PLEKHA8: variants seen among roughly 807,000 people sequenced by gnomAD.
PLEKHA8 encodes pleckstrin homology domain-containing family A member 8.
PLEKHA8 carries 36 observed loss-of-function variants against 68.2 expected under a neutral mutation model. The observed-to-expected ratio is 0.53, with a 90% CI of 0.40 to 0.70. The LOEUF (loss-of-function observed/expected upper bound fraction) is 0.70, where lower values mean the gene tolerates loss of function less well. Ranked by LOEUF, PLEKHA8 falls within the 30% of genes least tolerant of loss-of-function variation. The pLI is 0.00. For missense variants in PLEKHA8, 505 were observed against 615.4 expected, an observed-to-expected ratio of 0.82 and a Z score of 1.90; for synonymous variants, 211 against 216.1, an observed-to-expected ratio of 0.98 and a Z score of 0.20.
rs563831882 is a variant in PLEKHA8 at position 30,115,996 on chromosome 7, A to G, written c.1363-13270A>G. On this transcript the variant is annotated intron_variant, in intron 13 of 13. Transcript: ENST00000396257. ...TGCATGCATGCATGTATGCATACGC[A>G]TACATACGCATACATACGCATACAT... 8.0e-4 allele frequency: 111 copies of G among 139,420 alleles called. 6 individuals carry two copies. The highest frequency in any genetic ancestry group is 2.6e-3 in the African/African-American group (96 of 36,848). The allele number at this position is 139,420 out of a possible 1,614,324, so 8.6% of individuals were successfully genotyped here.
At chr7:30,105,313 A>G (rs1047392160) in intron 13 of PLEKHA8, among the ~76,000 whole-genome samples, 1 of 57,062 alleles carries the variant, frequency 1.8e-5, no homozygotes, top group African/African-American at 5.2e-5. Context: ...TCTATAATTA[A>G]AAAAAAAAAA....
intron 13 of PLEKHA8, among the ~76,000 whole-genome samples, chr7:30,096,002 A>G (rs1459228782): frequency 1.3e-5 from 2 of 152,198 alleles, no homozygotes; most frequent in Non-Finnish European, 2.9e-5. Context: ...TGACTTGGCA[A>G]TGCGGGCTCT....
At chr7:30,125,504 C>G (rs1368790169) in intron 13 of PLEKHA8, among the ~76,000 whole-genome samples, 1 of 152,120 alleles carries the variant, frequency 6.6e-6, no homozygotes, top group Admixed American at 6.6e-5. Flanking sequence ...TTATTTTTAC[C>G]CTCAAGGAAA....
At chr7:30,115,561 GACATATGTAT>G (rs1378161067) in intron 13 of PLEKHA8, among the ~76,000 whole-genome samples, 6 of 50,300 alleles carry the variant, frequency 1.2e-4, no homozygotes, top group East Asian at 4.1e-3. Flanking sequence ...TATACATGTA[GACATATGTAT>G]ACATGCACGT....
chr7:30,125,904 C>T (rs1796764375), intron 13 of PLEKHA8, among the ~76,000 whole-genome samples: 1 of 152,030 alleles, frequency 6.6e-6, no homozygotes, highest in Non-Finnish European at 1.5e-5. Flanking sequence ...TTAGAGACAA[C>T]TTGCCTATTT....
chr7:30,028,936 T>C lies in PLEKHA8; in HGVS notation c.40+134T>C, dbSNP rs190469929. ...GAGGCCAGCGCGGAGCGGGAGTATT[T>C]CCCAAAGCAGTTCTCTCACGGGACC... On this transcript the variant is annotated intron_variant, in intron 1 of 13. Transcript: ENST00000449726. 896 of 1,036,900 alleles carry C rather than the reference T, an allele frequency of 8.6e-4. 6 individuals carry two copies. In the African/African-American group the frequency reaches 0.014, roughly 16 times the overall value. 64.2% of individuals were successfully genotyped at this position (1,036,900 alleles called of 1,614,324 possible).
chr7:30,082,692 A>C lies in PLEKHA8; in HGVS notation c.*3905A>C. 1 of 985,070 alleles carries C rather than the reference A, an allele frequency of 1.0e-6. No individual in the cohort carries two copies. Among genetic ancestry groups the C allele is most frequent in the Non-Finnish European group, 1.2e-6 (1 of 829,592 alleles). The allele number at this position is 985,070 out of a possible 1,614,324, so 61.0% of individuals were successfully genotyped here. ...ATATGTGATAGGGACCAAATAAGTA[A>C]AGTACATTTTTCTCCACTAAATTTG... On this transcript the variant is annotated 3_prime_UTR_variant, in exon 14 of 14. Coordinates refer to ENST00000449726, the MANE Select transcript of PLEKHA8 (RefSeq NM_001197026.2).
intron 13 of PLEKHA8, among the ~76,000 whole-genome samples, chr7:30,117,021 C>T (rs1443382690): frequency 2.0e-5 from 3 of 152,206 alleles, no homozygotes; most frequent in Non-Finnish European, 4.4e-5. Context: ...GTAGGTCTAA[C>T]TTTGTCACCG....
intron 13 of PLEKHA8, among the ~76,000 whole-genome samples, chr7:30,112,825 C>G (rs1796314891): frequency 6.6e-6 from 1 of 151,676 alleles, no homozygotes; most frequent in Admixed American, 6.6e-5. Flanking sequence ...CACTTGAGCC[C>G]AGGAGTTCAA....
At chr7:30,032,238 G>C (rs1790721953) in intron 1 of PLEKHA8, among the ~76,000 whole-genome samples, 4 of 152,312 alleles carry the variant, frequency 2.6e-5, no homozygotes, top group Admixed American at 2.6e-4. Flanking sequence ...TAATACTCTA[G>C]AACGCTGGTT....
chr7:30,119,823 A>C (rs571119526), intron 13 of PLEKHA8, among the ~76,000 whole-genome samples: 4 of 152,350 alleles, frequency 2.6e-5, no homozygotes, highest in African/African-American at 7.2e-5. Context: ...TTGTCACCTT[A>C]GGAGCCTGTT....
At chr7:30,105,537 C>T (rs1014377518) in intron 13 of PLEKHA8, among the ~76,000 whole-genome samples, 1 of 152,078 alleles carries the variant, frequency 6.6e-6, no homozygotes, top group African/African-American at 2.4e-5. Context: ...AGTTGGCATT[C>T]CAATCCAGTT....
chr7:30,127,266 T>C (rs1796788171), intron 13 of PLEKHA8, among the ~76,000 whole-genome samples: 1 of 152,232 alleles, frequency 6.6e-6, no homozygotes. Flanking sequence ...GGCTGGTGTC[T>C]GGCTTATAGG....
At chr7:30,037,362 T>C (rs1170469430) in intron 1 of PLEKHA8, among the ~76,000 whole-genome samples, 1 of 152,144 alleles carries the variant, frequency 6.6e-6, no homozygotes, top group Non-Finnish European at 1.5e-5. Context: ...GGAAACAGGG[T>C]CTCGCTATGT....
chr7:30,081,199 A>T lies in PLEKHA8; in HGVS notation c.*2412A>T, dbSNP rs1794913524. ...CCAGATCAGACAGAATAGCTTGAAT[A>T]AGTTACATTTTCCAATTACCCTTTT... On this transcript the variant is annotated 3_prime_UTR_variant, in exon 14 of 14. Transcript: ENST00000449726. 1 of 985,270 alleles carries T rather than the reference A, an allele frequency of 1.0e-6. No homozygotes were observed. Among genetic ancestry groups the T allele is most frequent in the Admixed American group, 6.2e-5 (1 of 16,252 alleles). 61.0% of individuals were successfully genotyped at this position (985,270 alleles called of 1,614,324 possible). A position where few individuals can be genotyped will look rare whatever the true frequency, so the allele number is the denominator to read the frequency against.
intron 1 of PLEKHA8, among the ~76,000 whole-genome samples, chr7:30,029,699 T>C (rs1391550086): frequency 6.6e-6 from 1 of 152,220 alleles, no homozygotes; most frequent in Non-Finnish European, 1.5e-5. Context: ...GGCAGTGTGT[T>C]TGAAAGCAGA....
At chr7:30,121,426 C>G (rs1008311148) in intron 13 of PLEKHA8, among the ~76,000 whole-genome samples, 1 of 152,062 alleles carries the variant, frequency 6.6e-6, no homozygotes, top group Non-Finnish European at 1.5e-5. Flanking sequence ...ATTAGGAGTT[C>G]GAGACCTGCC....
chr7:30,114,979 C>T (rs1404772615), intron 13 of PLEKHA8, among the ~76,000 whole-genome samples: 1 of 152,090 alleles, frequency 6.6e-6, no homozygotes, highest in Admixed American at 6.5e-5. Context: ...GCCAGTGCAT[C>T]GATGGTTCTC....
chr7:30,064,631 T>TA (rs1275636375), intron 12 of PLEKHA8, among the ~76,000 whole-genome samples: 3 of 152,200 alleles, frequency 2.0e-5, no homozygotes, highest in Admixed American at 2.0e-4. Context: ...TTGTCATCAT[T>TA]ATCATAATCA....
Sources: allele counts gnomAD v4.1 joint callset (sites outside exome capture counted in the v4.1 genomes callset), GRCh38; gene constraint gnomAD v4.1.1; transcripts MANE v1.5; gene names NCBI Gene and HGNC (gene_info 2026-07-23, HGNC 2026-07-21).